PTPRD: variants seen among roughly 807,000 people sequenced by gnomAD.
PTPRD encodes the protein protein tyrosine phosphatase receptor type D.
Under a neutral mutation model 214.5 loss-of-function variants are expected in PTPRD, and 34 were observed. The ratio of observed to expected loss-of-function variants is 0.16; its 90% CI spans 0.12 to 0.21. The LOEUF (loss-of-function observed/expected upper bound fraction) is 0.21, where lower values mean the gene tolerates loss of function less well. Ranked by LOEUF, PTPRD falls within the 10% of genes least tolerant of loss-of-function variation. The pLI is 1.00. For synonymous variants in PTPRD, 1,128 were observed against 845.7 expected, an observed-to-expected ratio of 1.33 and a Z score of -5.79; for missense variants, 2,545 against 2,398.7, an observed-to-expected ratio of 1.06 and a Z score of -1.27.
intron 2 of PTPRD, among the ~76,000 whole-genome samples, chr9:10,362,522 T>C (rs1006410069): frequency 2.6e-5 from 4 of 152,142 alleles, no homozygotes; most frequent in Admixed American, 2.0e-4. Context: ...CTTGAAATTC[T>C]TACTCTTACA....
chr9:8,786,402 CTTTTTTT>C (rs36018689), intron 11 of PTPRD, among the ~76,000 whole-genome samples: 15 of 66,998 alleles, frequency 2.2e-4, no homozygotes, highest in Non-Finnish European at 3.2e-4. Flanking sequence ...GTTTGGAGTT[CTTTTTTT>C]TTTTTTTTTT....
chr9:9,512,627 T>A (rs1462730526), intron 8 of PTPRD, among the ~76,000 whole-genome samples: 1 of 151,864 alleles, frequency 6.6e-6, no homozygotes, highest in Non-Finnish European at 1.5e-5. Context: ...ATAAAAATCA[T>A]GGCATCTTGT....
chr9:9,772,210 T>C (rs756040802), intron 5 of PTPRD, among the ~76,000 whole-genome samples: 1 of 151,984 alleles, frequency 6.6e-6, no homozygotes, highest in Admixed American at 6.6e-5. Flanking sequence ...ACAGACCACA[T>C]GAAGACACAG....
chr9:9,847,135 T>C (rs1408192207), intron 5 of PTPRD, among the ~76,000 whole-genome samples: 3 of 152,160 alleles, frequency 2.0e-5, no homozygotes, highest in African/African-American at 7.2e-5. Context: ...TAACTAAATG[T>C]AGTTCTAAAT....
chr9:10,501,777 G>T (rs934958792), intron 2 of PTPRD, among the ~76,000 whole-genome samples: 1 of 151,954 alleles, frequency 6.6e-6, no homozygotes, highest in Non-Finnish European at 1.5e-5. Flanking sequence ...TCAGATTCAA[G>T]TTACAAAATA....
chr9:9,640,133 T>C (rs775799109), intron 7 of PTPRD, among the ~76,000 whole-genome samples: 7 of 152,204 alleles, frequency 4.6e-5, no homozygotes, highest in Non-Finnish European at 8.8e-5. Flanking sequence ...CAAACCTTGA[T>C]TCAAGAGCAG....
intron 12 of PTPRD, among the ~76,000 whole-genome samples, chr9:8,718,285 T>C (rs2098457294): frequency 6.6e-6 from 1 of 152,156 alleles, no homozygotes. Context: ...GGGTGTCAGA[T>C]TCATTTGTTA....
At chr9:8,707,955 G>C (rs983471580) in intron 12 of PTPRD, among the ~76,000 whole-genome samples, 1 of 152,084 alleles carries the variant, frequency 6.6e-6, no homozygotes, top group Non-Finnish European at 1.5e-5. Flanking sequence ...ATTGCACTAT[G>C]CTTTTAGGGG....
chr9:9,843,628 C>G (rs922796598), intron 5 of PTPRD, among the ~76,000 whole-genome samples: 10 of 151,858 alleles, frequency 6.6e-5, no homozygotes, highest in East Asian at 1.9e-4. Flanking sequence ...GTAGGTTTGA[C>G]TTTAATAAAA....
intron 8 of PTPRD, among the ~76,000 whole-genome samples, chr9:9,501,147 T>C (rs536541883): frequency 6.6e-6 from 1 of 151,974 alleles, no homozygotes; most frequent in African/African-American, 2.4e-5. Context: ...AACTTAAATA[T>C]AATAATATGA....
intron 8 of PTPRD, among the ~76,000 whole-genome samples, chr9:9,474,185 G>C (rs1363564996): frequency 6.6e-6 from 1 of 152,046 alleles, no homozygotes; most frequent in Non-Finnish European, 1.5e-5. Flanking sequence ...TGGATATCCA[G>C]TTTTCCAGCA....
intron 10 of PTPRD, among the ~76,000 whole-genome samples, chr9:9,167,851 A>T (rs189932815): frequency 6.6e-6 from 1 of 152,208 alleles, no homozygotes; most frequent in African/African-American, 2.4e-5. Flanking sequence ...TTTTACAGCC[A>T]CTGCATGAAA....
intron 11 of PTPRD, among the ~76,000 whole-genome samples, chr9:8,783,799 C>A: frequency 6.6e-6 from 1 of 152,188 alleles, no homozygotes; most frequent in East Asian, 1.9e-4. Context: ...TACAAATTCC[C>A]AGATAGAGCA....
chr9:9,428,129 A>T (rs2081692963), intron 8 of PTPRD, among the ~76,000 whole-genome samples: 1 of 152,232 alleles, frequency 6.6e-6, no homozygotes, highest in Non-Finnish European at 1.5e-5. Flanking sequence ...AATTGGATAA[A>T]GAGTCAAGAC....
Position 9,761,708 on chromosome 9 carries a change from T to C in PTPRD, c.-326+5102A>G, listed in dbSNP as rs546372493. 3.3e-5 allele frequency among the ~76,000 whole-genome samples: 5 copies of C among 152,202 alleles called. No individual in the cohort carries two copies. In the South Asian group the frequency reaches 1.0e-3, roughly 32 times the overall value. On this transcript the variant is annotated intron_variant, in intron 6 of 45. Coordinates refer to ENST00000381196, the MANE Select transcript of PTPRD (RefSeq NM_002839.4). ...TTTATAGCTGCATATGAATGTAAAA[T>C]TATCTCAATAAAAATTTCGATGAAA...
At chr9:9,926,178 T>C (rs568474302) in intron 5 of PTPRD, among the ~76,000 whole-genome samples, 17 of 152,258 alleles carry the variant, frequency 1.1e-4, no homozygotes, top group African/African-American at 4.1e-4. Context: ...CTACCTATCT[T>C]ATACTTACCT....
At chr9:9,494,184 G>A (rs2096062801) in intron 8 of PTPRD, among the ~76,000 whole-genome samples, 1 of 152,144 alleles carries the variant, frequency 6.6e-6, no homozygotes, top group Non-Finnish European at 1.5e-5. Flanking sequence ...GCAAAAGAAT[G>A]TGTTTTCATG....
intron 11 of PTPRD, among the ~76,000 whole-genome samples, chr9:8,928,339 T>C (rs1490920084): frequency 6.6e-6 from 1 of 152,244 alleles, no homozygotes; most frequent in Non-Finnish European, 1.5e-5. Context: ...GTTTTAGGTC[T>C]AACATTTAAG....
intron 9 of PTPRD, among the ~76,000 whole-genome samples, chr9:9,371,254 G>A (rs1278272400): frequency 6.6e-6 from 1 of 151,892 alleles, no homozygotes; most frequent in Non-Finnish European, 1.5e-5. Flanking sequence ...GACTTTTTTT[G>A]GTTGGTAAGG....
Sources: allele counts gnomAD v4.1 joint callset (sites outside exome capture counted in the v4.1 genomes callset), GRCh38; gene constraint gnomAD v4.1.1; transcripts MANE v1.5; gene names NCBI Gene and HGNC (gene_info 2026-07-23, HGNC 2026-07-21).